The following MYO10 variants were observed in gnomAD, a reference collection of about 807,000 sequenced individuals.
MYO10 encodes the protein unconventional myosin-X.
MYO10 carries 133 observed loss-of-function variants against 257.3 expected under a neutral mutation model. That is an observed-to-expected ratio of 0.52 (90% CI 0.45 to 0.60). The LOEUF is 0.60. Among genes scored for constraint, MYO10 ranks in the 20% least tolerant of loss-of-function variants. MYO10 has a pLI of 0.00. For synonymous variants in MYO10, 1,104 were observed against 1,028.6 expected (o/e 1.07, Z -1.40); for missense variants, 2,399 against 2,635.7 (o/e 0.91, Z 1.97).
intron 19 of MYO10, among the ~76,000 whole-genome samples, chr5:16,751,649 T>C (rs897451931): frequency 1.3e-4 from 16 of 125,602 alleles, no homozygotes; most frequent in Non-Finnish European, 2.4e-4. Context: ...ACCTGGCTAA[T>C]TTTTTTTTTT....
At chr5:16,918,884 T>C (rs114606564) in intron 1 of MYO10, among the ~76,000 whole-genome samples, 10,471 of 152,134 alleles carry the variant, frequency 0.069, 416 homozygotes, top group African/African-American at 0.11. Flanking sequence ...GCAGTTGCTG[T>C]CATCACAAAA....
At chr5:16,819,259 G>A (rs918469044) in intron 2 of MYO10, among the ~76,000 whole-genome samples, 1 of 152,092 alleles carries the variant, frequency 6.6e-6, no homozygotes, top group Non-Finnish European at 1.5e-5. Context: ...AGCAATGAGC[G>A]CTACAGACAT....
At chr5:16,680,631 A>C (rs1736950329) in intron 32 of MYO10, among the ~76,000 whole-genome samples, 1 of 152,208 alleles carries the variant, frequency 6.6e-6, no homozygotes, top group African/African-American at 2.4e-5. Flanking sequence ...CAGCAACAAA[A>C]ATCAAAATAA....
chr5:16,693,924 C>A (rs765598130), intron 27 of MYO10, among the ~76,000 whole-genome samples: 32 of 152,168 alleles, frequency 2.1e-4, no homozygotes, highest in Non-Finnish European at 3.7e-4. Flanking sequence ...ATAACCAACA[C>A]TGGTATAACA....
At chr5:16,807,024 A>G (rs573288467) in intron 3 of MYO10, among the ~76,000 whole-genome samples, 1 of 152,342 alleles carries the variant, frequency 6.6e-6, no homozygotes, top group South Asian at 2.1e-4. Flanking sequence ...ACAATTTGAA[A>G]TGCACTGGGG....
At position 16,911,126 on chromosome 5, in the gene MYO10, T is replaced by A. The variant is rs143237289; in HGVS notation, c.21+24662A>T. On this transcript the variant is annotated intron_variant, in intron 1 of 40. Transcript: ENST00000513610. Reference sequence around the variant, plus strand: ...GAGACCAGCCTGGGCAACATGGCAATACTCCATCTCTAAAACAAAATTTAA... The same window carrying A: ...GAGACCAGCCTGGGCAACATGGCAAAACTCCATCTCTAAAACAAAATTTAA... Among the ~76,000 whole-genome samples the A allele has an allele frequency of 1.6e-4, 24 of 151,950 alleles. No individual in the cohort carries two copies. In the East Asian group the frequency reaches 4.7e-3, roughly 30 times the overall value.
intron 2 of MYO10, among the ~76,000 whole-genome samples, chr5:16,818,381 C>A: frequency 7.5e-6 from 1 of 134,078 alleles, no homozygotes; most frequent in Admixed American, 7.8e-5. Context: ...TGTGTGTGTG[C>A]GTGTGTGTGT....
At chr5:16,789,052 G>T (rs114022074) in intron 4 of MYO10, among the ~76,000 whole-genome samples, 1 of 152,270 alleles carries the variant, frequency 6.6e-6, no homozygotes, top group East Asian at 1.9e-4. Context: ...CACAGGACAC[G>T]CTAGCCTCCC....
intron 2 of MYO10, among the ~76,000 whole-genome samples, chr5:16,860,156 G>GA (rs1462927146): frequency 6.6e-6 from 1 of 152,092 alleles, no homozygotes; most frequent in Non-Finnish European, 1.5e-5. Context: ...GACACAAAAA[G>GA]AAAAGAGGGC....
At position 16,686,436 on chromosome 5, in the gene MYO10, TC is replaced by T. The variant is rs569702168; in HGVS notation, c.3897-606del. Among the ~76,000 whole-genome samples the T allele has an allele frequency of 1.2e-4, 19 of 152,232 alleles. No homozygotes were observed. In the South Asian group the frequency reaches 3.9e-3, roughly 32 times the overall value. On this transcript the variant is annotated intron_variant, in intron 28 of 40. Transcript: ENST00000513610. Reference sequence around the variant, plus strand: ...TAACCGGTAAGTCTAATGCAAATATTCCAAACTCCAAAATCTGCACCACTTC... The same window carrying T: ...TAACCGGTAAGTCTAATGCAAATATTCAAACTCCAAAATCTGCACCACTTC...
Position 16,778,693 on chromosome 5 carries a change from T to G in MYO10, c.930+852A>C, listed in dbSNP as rs1208237543. Among the ~76,000 whole-genome samples, 27 of 34,570 alleles carry G rather than the reference T, an allele frequency of 7.8e-4. 1 individual carries two copies. Among genetic ancestry groups the G allele is most frequent in the Non-Finnish European group, 2.1e-3 (20 of 9,624 alleles). 22.7% of individuals were successfully genotyped at this position (34,570 alleles called of 152,430 possible). A position where few individuals can be genotyped will look rare whatever the true frequency, so the allele number is the denominator to read the frequency against. On this transcript the variant is annotated intron_variant, in intron 9 of 40. Coordinates refer to ENST00000513610, the MANE Select transcript of MYO10 (RefSeq NM_012334.3). ...ACACCTCTCGCTTTGCTGAGGTTTT[T>G]TTTTTTTTTTTTTTTTTGAGACGGA...
intron 1 of MYO10, among the ~76,000 whole-genome samples, chr5:16,924,346 C>T (rs1020180217): frequency 6.6e-6 from 1 of 152,168 alleles, no homozygotes; most frequent in Non-Finnish European, 1.5e-5. Flanking sequence ...ACTTCCTCCG[C>T]TAATCAATGT....
intron 19 of MYO10, among the ~76,000 whole-genome samples, chr5:16,743,939 T>C (rs1327288037): frequency 6.6e-6 from 1 of 152,158 alleles, no homozygotes; most frequent in Non-Finnish European, 1.5e-5. Context: ...AAAATGGTGG[T>C]GGAGGGGGGC....
Position 16,701,612 on chromosome 5 carries a change from C to A in MYO10, c.2783G>T (p.Arg928Leu), listed in dbSNP as rs747241037. 20 of 1,612,046 alleles carry A rather than the reference C, an allele frequency of 1.2e-5. No individual in the cohort carries two copies. The highest frequency in any genetic ancestry group is 1.6e-5 in the Non-Finnish European group (19 of 1,179,120). The part of the protein sequence containing the change: ...KLQERRDQEL[R>L]RLEEEACRAA... Reference sequence around the variant, plus strand: ...CCTGCACGCTTCCTCCTCCAGCCTGCGGAGCTCCTGGTCCCGCCGCTCCTG... The same window carrying A: ...CCTGCACGCTTCCTCCTCCAGCCTGAGGAGCTCCTGGTCCCGCCGCTCCTG... Residue 928 changes from arginine to leucine, a missense_variant, in exon 25 of 41, where the codon CGC becomes CTC. Around this residue, in one of 3 missense-constraint regions of MYO10, gnomAD observed 1,820 missense variants for 1,939.4 expected, o/e 0.94. Transcript: ENST00000513610. The surrounding 1 kb of genome is among the most constrained non-coding windows in gnomAD (Gnocchi z 8.1).
At position 16,903,038 on chromosome 5, in the gene MYO10, T is replaced by C. The variant is rs146892806; in HGVS notation, c.22-25331A>G. 4.6e-5 allele frequency among the ~76,000 whole-genome samples: 7 copies of C among 152,348 alleles called. No individual in the cohort carries two copies. The East Asian group carries it at 1.2e-3, about 25-fold the overall frequency. ...ATCCTAACAGCTGACACATTGACCA[T>C]GTGCAGGCCTCTGTCCTAAACGCTT... On this transcript the variant is annotated intron_variant, in intron 1 of 40. Transcript: ENST00000513610.
intron 29 of MYO10, among the ~76,000 whole-genome samples, chr5:16,684,876 G>A (rs924551987): frequency 6.6e-6 from 1 of 152,050 alleles, no homozygotes; most frequent in African/African-American, 2.4e-5. Context: ...GTGAAACCCT[G>A]TTTCTACTAA....
At chr5:16,808,603 G>A (rs1220761787) in intron 3 of MYO10, among the ~76,000 whole-genome samples, 1 of 152,140 alleles carries the variant, frequency 6.6e-6, no homozygotes, top group Non-Finnish European at 1.5e-5. Flanking sequence ...CAAGGTAGAG[G>A]CTGGCATTTC....
At chr5:16,910,656 G>T (rs1288017235) in intron 1 of MYO10, among the ~76,000 whole-genome samples, 2 of 152,150 alleles carry the variant, frequency 1.3e-5, no homozygotes, top group Non-Finnish European at 2.9e-5. Context: ...CATTTTTAAT[G>T]CATTCACCAT....
Position 16,665,414 on chromosome 5 carries a change from C to T in MYO10, c.*1278G>A, listed in dbSNP as rs528246999. On this transcript the variant is annotated 3_prime_UTR_variant, in exon 41 of 41. Transcript: ENST00000513610. ...TTTTCGTGTGGGTAGACTTAGTTGG[C>T]CCAAGTCCTTAAAACTTTTCCATAT... 9 of 152,256 alleles carry T rather than the reference C, an allele frequency of 5.9e-5. No individual in the cohort carries two copies. The highest frequency in any genetic ancestry group is 8.8e-5 in the Non-Finnish European group (6 of 68,028). The allele number at this position is 152,256 out of a possible 1,614,324, so 9.4% of individuals were successfully genotyped here. A position where few individuals can be genotyped will look rare whatever the true frequency, so the allele number is the denominator to read the frequency against.
Sources: gnomAD v4.1 joint callset for allele counts (sites outside exome capture counted in the v4.1 genomes callset) on GRCh38, gnomAD v4.1.1 for gene constraint, gnomAD v4.1.1 regional missense constraint, Gnocchi (gnomAD v3.1) non-coding constraint, MANE v1.5 for transcripts, NCBI Gene and HGNC (gene_info 2026-07-23, HGNC 2026-07-21) for gene names.